Variants in TLL1 observed in about 807,000 individuals in gnomAD.
The protein encoded by TLL1 is tolloid like 1.
A neutral mutation model predicts 128.2 loss-of-function variants in TLL1; 49 were observed. The observed-to-expected ratio is 0.38, with a 90% confidence interval of 0.30 to 0.48. TLL1 has a LOEUF of 0.48. Among genes scored for constraint, TLL1 ranks in the 20% least tolerant of loss-of-function variants. The probability of loss-of-function intolerance (pLI) is 0.96; values close to 1 mark genes in which losing one functional copy is unlikely to be tolerated. For synonymous variants in TLL1, 454 were observed against 418.8 expected (o/e 1.08, Z -1.03); for missense variants, 1,123 against 1,242.0 (o/e 0.90, Z 1.44).
chr4:165,975,163 A>C (rs1735817996), intron 1 of TLL1, among the ~76,000 whole-genome samples: 1 of 152,192 alleles, frequency 6.6e-6, no homozygotes, highest in South Asian at 2.1e-4. Flanking sequence ...GCGATGGATG[A>C]GGCAGCTTTT....
intron 1 of TLL1, among the ~76,000 whole-genome samples, chr4:165,980,887 T>C (rs775920319): frequency 1.2e-4 from 18 of 152,116 alleles, no homozygotes; most frequent in Non-Finnish European, 2.1e-4. Context: ...TGTCTCAATG[T>C]CTGAGTAAAA....
At chr4:166,075,504 G>A (rs1306567542) in intron 17 of TLL1, among the ~76,000 whole-genome samples, 1 of 152,174 alleles carries the variant, frequency 6.6e-6, no homozygotes, top group East Asian at 1.9e-4. Flanking sequence ...TTTAAGTCAT[G>A]GTTTTGGTCC....
chr4:165,948,021 C>T (rs1271175115), intron 1 of TLL1, among the ~76,000 whole-genome samples: 1 of 152,158 alleles, frequency 6.6e-6, no homozygotes, highest in African/African-American at 2.4e-5. Flanking sequence ...AAAGTTGACT[C>T]AGAGGGCAGA....
rs76008251 is a variant in TLL1 at position 165,888,258 on chromosome 4, T to A, written c.169+14185T>A. On this transcript the variant is annotated intron_variant, in intron 1 of 20. Coordinates refer to ENST00000061240, the MANE Select transcript of TLL1 (RefSeq NM_012464.5). ...TTTACCAATTATTCTATTTGGTATT[T>A]TTTTAAACATAGGCACTTTTTATCA... Among the ~76,000 whole-genome samples the A allele has an allele frequency of 1.6e-4, 24 of 152,324 alleles. No individual in the cohort carries two copies. In the East Asian group the frequency reaches 4.4e-3, roughly 28 times the overall value.
intron 1 of TLL1, among the ~76,000 whole-genome samples, chr4:165,928,405 C>G (rs908480592): frequency 6.6e-6 from 1 of 152,080 alleles, no homozygotes; most frequent in Non-Finnish European, 1.5e-5. Context: ...GAAAGCCACT[C>G]TCTATAGGAG....
chr4:165,972,449 C>T (rs1485530988), intron 1 of TLL1, among the ~76,000 whole-genome samples: 3 of 152,174 alleles, frequency 2.0e-5, no homozygotes, highest in East Asian at 3.9e-4. Context: ...ATATGGGTTC[C>T]AGGTTTGAAA....
intron 1 of TLL1, among the ~76,000 whole-genome samples, chr4:165,907,705 C>T (rs1345727775): frequency 4.6e-5 from 7 of 152,002 alleles, no homozygotes; most frequent in Admixed American, 1.3e-4. Flanking sequence ...CGCAACACCA[C>T]GCCCGTCTAA....
At chr4:165,977,261 T>A (rs938308890) in intron 1 of TLL1, among the ~76,000 whole-genome samples, 2 of 152,258 alleles carry the variant, frequency 1.3e-5, no homozygotes, top group Non-Finnish European at 2.9e-5. Flanking sequence ...TCCCCCATGC[T>A]GAAAGTTTAC....
intron 1 of TLL1, among the ~76,000 whole-genome samples, chr4:165,914,317 T>A (rs1380818711): frequency 1.3e-5 from 2 of 152,166 alleles, no homozygotes; most frequent in Non-Finnish European, 2.9e-5. Context: ...TTACTCATGC[T>A]ATTTTTTTCC....
At chr4:166,074,759 C>G (rs1740944384) in intron 16 of TLL1, 119 bp from the exon 17 acceptor site, 1 of 1,245,208 alleles carries the variant, frequency 8.0e-7, no homozygotes, top group Non-Finnish European at 1.2e-6. Context: ...ATGTTGGGAA[C>G]AGGAGAAACC....
chr4:165,904,382 G>A (rs1021665568), intron 1 of TLL1, among the ~76,000 whole-genome samples: 18 of 152,016 alleles, frequency 1.2e-4, no homozygotes, highest in African/African-American at 4.1e-4. Context: ...TTCAGTCTTG[G>A]CATTACACTA....
chr4:165,903,293 G>A (rs191052915), intron 1 of TLL1, among the ~76,000 whole-genome samples: 23 of 152,110 alleles, frequency 1.5e-4, no homozygotes, highest in East Asian at 1.2e-3. Context: ...AGCCGAGATC[G>A]TGCCATTGCA....
At chr4:165,939,677 G>C (rs556293643) in intron 1 of TLL1, among the ~76,000 whole-genome samples, 1 of 151,818 alleles carries the variant, frequency 6.6e-6, no homozygotes, top group African/African-American at 2.4e-5. Flanking sequence ...CCTCTGCTGG[G>C]CCACTAATTC....
At chr4:165,908,024 C>G (rs1222995229) in intron 1 of TLL1, among the ~76,000 whole-genome samples, 1 of 152,136 alleles carries the variant, frequency 6.6e-6, no homozygotes, top group Non-Finnish European at 1.5e-5. Flanking sequence ...TAGGTGTGAG[C>G]TGGGTTTTGA....
At chr4:166,045,695 T>G (rs1238945801) in intron 12 of TLL1, among the ~76,000 whole-genome samples, 1 of 152,106 alleles carries the variant, frequency 6.6e-6, no homozygotes, top group Non-Finnish European at 1.5e-5. Flanking sequence ...TACTTTTGAT[T>G]GGTCTTTGGC....
chr4:166,025,194 T>A, intron 8 of TLL1, 122 bp from the exon 9 acceptor site: 2 of 698,440 alleles, frequency 2.9e-6, no homozygotes, highest in Non-Finnish European at 5.1e-6. Flanking sequence ...AGGAAACGTC[T>A]TCTATAAAAG....
At chr4:165,906,410 G>A (rs939533809) in intron 1 of TLL1, among the ~76,000 whole-genome samples, 2 of 152,148 alleles carry the variant, frequency 1.3e-5, no homozygotes, top group Non-Finnish European at 2.9e-5. Context: ...GACATAAAGA[G>A]GTTAATCTTC....
intron 17 of TLL1, among the ~76,000 whole-genome samples, chr4:166,075,345 A>G (rs551144230): frequency 6.6e-6 from 1 of 152,292 alleles, no homozygotes; most frequent in East Asian, 1.9e-4. Context: ...AATGTTTTGC[A>G]TTTGATGTAA....
chr4:166,007,867 G>A, intron 6 of TLL1, 76 bp from the exon 7 acceptor site: 1 of 883,158 alleles, frequency 1.1e-6, no homozygotes, highest in Non-Finnish European at 1.9e-6. Context: ...AACAGATGCA[G>A]GTGTAGGAAA....
Sources: allele counts gnomAD v4.1 joint callset (sites outside exome capture counted in the v4.1 genomes callset), GRCh38; gene constraint gnomAD v4.1.1; transcripts MANE v1.5; gene names NCBI Gene and HGNC (gene_info 2026-07-23, HGNC 2026-07-21).